CALCOCO2: variants seen among roughly 807,000 people sequenced by gnomAD.
CALCOCO2 encodes the protein calcium binding and coiled-coil domain 2.
Under a neutral mutation model 62.5 loss-of-function variants are expected in CALCOCO2, and 42 were observed. That is an observed-to-expected ratio of 0.67 (90% CI 0.53 to 0.87). The LOEUF (loss-of-function observed/expected upper bound fraction) is 0.87. Among genes scored for constraint, CALCOCO2 ranks in the 40% least tolerant of loss-of-function variants. CALCOCO2 has a pLI of 0.00. For synonymous variants in CALCOCO2, 167 were observed against 173.0 expected, an observed-to-expected ratio of 0.97 and a Z score of 0.27; for missense variants, 456 against 515.0, an observed-to-expected ratio of 0.89 and a Z score of 1.11.
chr17:48,844,551 T>C (rs2040020338), intron 2 of CALCOCO2, among the ~76,000 whole-genome samples: 1 of 151,830 alleles, frequency 6.6e-6, no homozygotes, highest in Non-Finnish European at 1.5e-5. Context: ...GCCTCCCTGG[T>C]TCAAGCGATT....
In CALCOCO2 at chr17:48,859,859, C is replaced by A. The variant is rs188720318; in HGVS notation, c.1009-455C>A. 2.4e-3 allele frequency among the ~76,000 whole-genome samples: 372 copies of A among 152,252 alleles called. 4 individuals carry two copies. The highest frequency in any genetic ancestry group is 5.1e-3 in the Admixed American group (78 of 15,288). ...CCTGTAATCTCGACACTTTGGGAGG[C>A]CAAGGCGGGCGGATCACTTGTGGTC... On this transcript the variant is annotated intron_variant, in intron 10 of 12. Transcript: ENST00000258947.
chr17:48,839,670 CTTTT>C (rs766846336), intron 1 of CALCOCO2, among the ~76,000 whole-genome samples: 2 of 66,172 alleles, frequency 3.0e-5, no homozygotes, highest in Non-Finnish European at 5.4e-5. Flanking sequence ...CTTTGCTTTG[CTTTT>C]TTTTTTTTTT....
In CALCOCO2 at chr17:48,851,086, T is replaced by C. The variant is rs920648678; in HGVS notation, c.544-3T>C. On this transcript the variant is annotated splice_polypyrimidine_tract_variant and splice_region_variant and intron_variant, in intron 5 of 12. Transcript: ENST00000258947. ...GTCCCTTTGATGTTGTTTCAATCTA[T>C]AGGAGGAGCTAGAAACCCTACAGAG... 4.5e-6 allele frequency: 7 copies of C among 1,550,850 alleles called. No individual in the cohort carries two copies. Among genetic ancestry groups the C allele is most frequent in the Non-Finnish European group, 6.2e-6 (7 of 1,122,314 alleles).
In CALCOCO2 at chr17:48,841,792, G is replaced by A. The variant is rs749812006; in HGVS notation, c.85G>A (p.Glu29Lys). The A allele has an allele frequency of 3.7e-6, 6 of 1,613,364 alleles. No homozygotes were observed. The Admixed American group carries it at 8.3e-5, about 22-fold the overall frequency. ...HFSQVIFNSVEKFYIPGGDVT... is the reference protein window; with the variant it reads ...HFSQVIFNSVKKFYIPGGDVT... ...CTCTCAGGTCATCTTTAACAGTGTG[G>A]AGAAGTTCTACATCCCTGGAGGGGA... Residue 29 changes from glutamate to lysine, a missense_variant, in exon 2 of 13, where the codon GAG becomes AAG. Transcript: ENST00000258947.
intron 1 of CALCOCO2, among the ~76,000 whole-genome samples, chr17:48,832,944 A>G (rs986489862): frequency 6.6e-6 from 1 of 152,240 alleles, no homozygotes; most frequent in Non-Finnish European, 1.5e-5. Flanking sequence ...AAATTCAAAC[A>G]ATTGTTAATG....
At chr17:48,832,056 A>G (rs1238841470) in intron 1 of CALCOCO2, among the ~76,000 whole-genome samples, 2 of 152,194 alleles carry the variant, frequency 1.3e-5, no homozygotes, top group African/African-American at 4.8e-5. Flanking sequence ...AACAGGTCAT[A>G]TTGTCTTTCG....
At chr17:48,835,549 C>T (rs1420208621) in intron 1 of CALCOCO2, among the ~76,000 whole-genome samples, 3 of 152,106 alleles carry the variant, frequency 2.0e-5, no homozygotes, top group Admixed American at 1.3e-4. Context: ...AAGCAAGGAA[C>T]CAAAGCTGTT....
chr17:48,863,754 G>A lies in CALCOCO2; in HGVS notation c.*749G>A, dbSNP rs1248635158. On this transcript the variant is annotated 3_prime_UTR_variant, in exon 13 of 13. Transcript: ENST00000258947. ...TATGGGTTTGCAGTTTTCTGAGTAG[G>A]TGAGTTTTGAATATGGGTAAATCAG... 1.3e-5 allele frequency: 2 copies of A among 152,196 alleles called. No homozygotes were observed. The highest frequency in any genetic ancestry group is 6.5e-5 in the Admixed American group (1 of 15,278). The allele number at this position is 152,196 out of a possible 1,614,324, so 9.4% of individuals were successfully genotyped here.
intron 1 of CALCOCO2, among the ~76,000 whole-genome samples, chr17:48,840,986 G>A (rs966093824): frequency 1.4e-4 from 22 of 152,156 alleles, no homozygotes; most frequent in Admixed American, 5.9e-4. Context: ...TTTAAGGGCT[G>A]GACATCTTAC....
intron 1 of CALCOCO2, among the ~76,000 whole-genome samples, chr17:48,840,513 T>C (rs1365080991): frequency 2.6e-5 from 4 of 152,230 alleles, no homozygotes; most frequent in East Asian, 3.8e-4. Context: ...CATTTATAGC[T>C]AGGGATCCAA....
intron 9 of CALCOCO2, 72 bp from the exon 10 acceptor site, chr17:48,856,020 C>G (rs1004222641): frequency 2.9e-6 from 2 of 697,496 alleles, no homozygotes; most frequent in Non-Finnish European, 4.8e-6. Flanking sequence ...ATGCCAGATT[C>G]TCTACAATTT....
At chr17:48,831,925 T>A (rs2039819189) in intron 1 of CALCOCO2, 1 of 152,248 alleles carries the variant, frequency 6.6e-6, no homozygotes, top group African/African-American at 2.4e-5. Flanking sequence ...AATATCCAGA[T>A]GGCTCAGTTT....
intron 12 of CALCOCO2, 128 bp downstream of exon 12, chr17:48,862,432 TG>T: frequency 1.3e-6 from 1 of 750,804 alleles, no homozygotes; most frequent in Non-Finnish European, 2.4e-6. Flanking sequence ...TGGATCAGTT[TG>T]TTTTGGGCCC....
At chr17:48,853,497 G>A (rs557694106) in intron 9 of CALCOCO2, among the ~76,000 whole-genome samples, 7 of 152,304 alleles carry the variant, frequency 4.6e-5, no homozygotes, top group South Asian at 2.1e-4. Context: ...TCCCCAGGGC[G>A]TTGACAGGTG....
At chr17:48,832,335 G>A (rs764699688) in intron 1 of CALCOCO2, among the ~76,000 whole-genome samples, 3 of 152,194 alleles carry the variant, frequency 2.0e-5, no homozygotes, top group Non-Finnish European at 2.9e-5. Context: ...CGGAGGGTGC[G>A]GTGAGCCGAG....
At chr17:48,846,476 G>T in intron 2 of CALCOCO2, 2 of 1,500,170 alleles carry the variant, frequency 1.3e-6, no homozygotes, top group Non-Finnish European at 1.8e-6. Context: ...ATTGGAACAA[G>T]AACTACTCAA....
intron 1 of CALCOCO2, chr17:48,831,964 T>A (rs1442611916): frequency 6.6e-6 from 1 of 152,198 alleles, no homozygotes; most frequent in Non-Finnish European, 1.5e-5. Context: ...ACCTGGAAAC[T>A]CTATCCTTTG....
At position 48,865,242 on chromosome 17, in the gene CALCOCO2, C is replaced by A. The variant is rs2040376968; in HGVS notation, c.*2237C>A. 6.6e-6 allele frequency: 1 copy of A among 152,082 alleles called. No individual in the cohort carries two copies. Among genetic ancestry groups the A allele is most frequent in the African/African-American group, 2.4e-5 (1 of 41,402 alleles). 9.4% of individuals were successfully genotyped at this position (152,082 alleles called of 1,614,324 possible). ...GCTCTAGGCAGCCACTAGTAGTAAA[C>A]AATAGTTCTTTTTTTTGAGACAGAG... On this transcript the variant is annotated 3_prime_UTR_variant, in exon 13 of 13. Coordinates refer to ENST00000258947, the MANE Select transcript of CALCOCO2 (RefSeq NM_005831.5).
intron 7 of CALCOCO2, chr17:48,852,280 C>T (rs1462441287): frequency 1.4e-5 from 6 of 425,918 alleles, no homozygotes; most frequent in Admixed American, 3.7e-5. Context: ...CAAGCAAAAT[C>T]GTACTCAAAA....
Sources: gnomAD v4.1 joint callset for allele counts (sites outside exome capture counted in the v4.1 genomes callset) on GRCh38, gnomAD v4.1.1 for gene constraint, MANE v1.5 for transcripts, NCBI Gene and HGNC (gene_info 2026-07-23, HGNC 2026-07-21) for gene names.